The following CNTNAP2 variants were observed in gnomAD, a reference collection of about 807,000 sequenced individuals.
CNTNAP2 encodes the protein contactin-associated protein-like 2.
In CNTNAP2, 98 loss-of-function variants were observed where a neutral mutation model predicts 155.2. That is an observed-to-expected ratio of 0.63 (90% CI 0.54 to 0.75). The LOEUF (loss-of-function observed/expected upper bound fraction) is 0.75, where lower values mean the gene tolerates loss of function less well. CNTNAP2 is among the 30% of genes least tolerant of loss of function. The pLI is 0.00. For synonymous variants in CNTNAP2, 651 were observed against 631.2 expected (o/e 1.03, Z -0.47); for missense variants, 1,727 against 1,688.1 (o/e 1.02, Z -0.40).
At chr7:147,783,971 C>T (rs1030313426) in intron 13 of CNTNAP2, among the ~76,000 whole-genome samples, 1 of 152,120 alleles carries the variant, frequency 6.6e-6, no homozygotes, top group Non-Finnish European at 1.5e-5. Context: ...TAAGACATTC[C>T]TCCTGAGACT....
intron 6 of CNTNAP2, among the ~76,000 whole-genome samples, chr7:147,124,582 T>C (rs1801195239): frequency 6.6e-6 from 1 of 152,162 alleles, no homozygotes; most frequent in Admixed American, 6.5e-5. Context: ...GCAATAAATA[T>C]AAATGACCTC....
At chr7:147,060,089 T>G (rs1043346903) in intron 4 of CNTNAP2, among the ~76,000 whole-genome samples, 2 of 152,120 alleles carry the variant, frequency 1.3e-5, no homozygotes, top group African/African-American at 4.8e-5. Flanking sequence ...AATTTTTTGT[T>G]TATTCATTCA....
chr7:146,996,162 G>GT (rs898946873), intron 3 of CNTNAP2, among the ~76,000 whole-genome samples: 6 of 151,864 alleles, frequency 4.0e-5, no homozygotes, highest in Non-Finnish European at 8.8e-5. Context: ...TAAAGAGACT[G>GT]TTTTTTCCCC....
chr7:147,566,004 G>A (rs1800161858), intron 12 of CNTNAP2, among the ~76,000 whole-genome samples: 1 of 151,398 alleles, frequency 6.6e-6, no homozygotes, highest in South Asian at 2.1e-4. Flanking sequence ...CAATAGGCGG[G>A]ACACGATGAC....
chr7:147,557,278 A>G (rs1799970473), intron 11 of CNTNAP2, among the ~76,000 whole-genome samples: 1 of 152,140 alleles, frequency 6.6e-6, no homozygotes, highest in Non-Finnish European at 1.5e-5. Flanking sequence ...GAAAAAAAAA[A>G]GACATTTAGG....
intron 1 of CNTNAP2, among the ~76,000 whole-genome samples, chr7:146,558,529 A>G (rs1394055851): frequency 1.3e-5 from 2 of 152,164 alleles, no homozygotes; most frequent in African/African-American, 2.4e-5. Context: ...ACAATCTGTC[A>G]TAACCCTATC....
At chr7:146,797,849 C>T (rs763449109) in intron 2 of CNTNAP2, among the ~76,000 whole-genome samples, 4 of 152,190 alleles carry the variant, frequency 2.6e-5, no homozygotes, top group Non-Finnish European at 5.9e-5. Context: ...GATAGAGATA[C>T]AAAGTTGTTC....
chr7:147,575,564 G>A (rs529588793), intron 12 of CNTNAP2, among the ~76,000 whole-genome samples: 49 of 151,124 alleles, frequency 3.2e-4, no homozygotes, highest in African/African-American at 1.1e-3. Context: ...CTAGCTTTAG[G>A]GGATTTAGAA....
intron 2 of CNTNAP2, among the ~76,000 whole-genome samples, chr7:146,830,076 G>A (rs961003620): frequency 3.2e-4 from 49 of 152,068 alleles, no homozygotes; most frequent in Non-Finnish European, 6.0e-4. Flanking sequence ...ATAGTTAGCC[G>A]TTTAACTCTC....
chr7:146,316,756 T>A (rs1416597483), intron 1 of CNTNAP2, among the ~76,000 whole-genome samples: 3 of 144,050 alleles, frequency 2.1e-5, no homozygotes, highest in South Asian at 2.1e-4. Context: ...TCAGGTTTTT[T>A]AATTTTTTTT....
At chr7:147,258,072 TAG>T (rs369081216) in intron 8 of CNTNAP2, among the ~76,000 whole-genome samples, 19 of 152,188 alleles carry the variant, frequency 1.2e-4, no homozygotes, top group African/African-American at 4.1e-4. Flanking sequence ...AAAAACAATA[TAG>T]AGACAGAGAC....
intron 15 of CNTNAP2, among the ~76,000 whole-genome samples, chr7:148,100,839 A>T (rs1175054104): frequency 6.6e-6 from 1 of 152,174 alleles, no homozygotes; most frequent in African/African-American, 2.4e-5. Context: ...ACGTATGTTT[A>T]TAGCGGCACT....
chr7:147,779,633 G>C (rs908111617), intron 13 of CNTNAP2, among the ~76,000 whole-genome samples: 2 of 152,054 alleles, frequency 1.3e-5, no homozygotes, highest in Non-Finnish European at 1.5e-5. Context: ...ACTGAATCAG[G>C]ACTCCAAGCC....
chr7:146,208,528 A>G (rs1400407519), intron 1 of CNTNAP2: 3 of 151,332 alleles, frequency 2.0e-5, no homozygotes, highest in Non-Finnish European at 4.4e-5. Flanking sequence ...TACTGGAAGG[A>G]AAAAAAAAGC....
chr7:147,869,054 G>T (rs113971072), intron 13 of CNTNAP2, among the ~76,000 whole-genome samples: 18,135 of 152,220 alleles, frequency 0.12, 1,257 homozygotes, highest in South Asian at 0.24. Flanking sequence ...CTTCTGCATC[G>T]ATCACACTGG....
chr7:147,012,773 A>T (rs372557957), intron 3 of CNTNAP2, among the ~76,000 whole-genome samples: 4 of 152,132 alleles, frequency 2.6e-5, no homozygotes, highest in East Asian at 1.9e-4. Flanking sequence ...TTTGATTTGG[A>T]TATAAAACTG....
intron 21 of CNTNAP2, among the ~76,000 whole-genome samples, chr7:148,364,612 G>T (rs977628500): frequency 1.3e-5 from 2 of 152,204 alleles, no homozygotes; most frequent in African/African-American, 4.8e-5. Flanking sequence ...TGGGGCCTTG[G>T]AGAACCTGTG....
At chr7:148,404,614 T>A (rs1267089428) in intron 22 of CNTNAP2, among the ~76,000 whole-genome samples, 1 of 152,212 alleles carries the variant, frequency 6.6e-6, no homozygotes, top group Non-Finnish European at 1.5e-5. Context: ...TAGGGGTATG[T>A]TACAATTAAT....
intron 1 of CNTNAP2, among the ~76,000 whole-genome samples, chr7:146,355,851 C>T (rs1421906618): frequency 6.6e-6 from 1 of 151,720 alleles, no homozygotes; most frequent in Non-Finnish European, 1.5e-5. Context: ...TACTTTTTTT[C>T]CATTCTGTCA....
Sources: gnomAD v4.1 joint callset for allele counts (sites outside exome capture counted in the v4.1 genomes callset) on GRCh38, gnomAD v4.1.1 for gene constraint, MANE v1.5 for transcripts, NCBI Gene and HGNC (gene_info 2026-07-23, HGNC 2026-07-21) for gene names.